CFAP69: variants seen among roughly 807,000 people sequenced by gnomAD.
The protein encoded by CFAP69 is cilia and flagella associated protein 69, also known as cilia- and flagella-associated protein 69.
A neutral mutation model predicts 123.0 loss-of-function variants in CFAP69; 92 were observed. The ratio of observed to expected loss-of-function variants is 0.75; its 90% CI spans 0.63 to 0.89. The LOEUF (loss-of-function observed/expected upper bound fraction) is 0.89. CFAP69 is among the 40% of genes least tolerant of loss of function. CFAP69 has a pLI of 0.00. For missense variants in CFAP69, 1,067 were observed against 1,096.9 expected, an observed-to-expected ratio of 0.97 and a Z score of 0.39; for synonymous variants, 380 against 364.3, an observed-to-expected ratio of 1.04 and a Z score of -0.49.
chr7:90,301,285 C>G (rs958424109), intron 17 of CFAP69: 1 of 151,784 alleles, frequency 6.6e-6, no homozygotes, highest in African/African-American at 2.4e-5. Flanking sequence ...ATATTCTAAG[C>G]CTTTTAAGAT....
chr7:90,269,857 G>A (rs1799701658), intron 6 of CFAP69, among the ~76,000 whole-genome samples: 1 of 152,148 alleles, frequency 6.6e-6, no homozygotes, highest in South Asian at 2.1e-4. Flanking sequence ...AATCACATTT[G>A]TAGGCAGAGG....
chr7:90,279,017 A>G (rs1789027131), intron 11 of CFAP69, among the ~76,000 whole-genome samples: 1 of 152,172 alleles, frequency 6.6e-6, no homozygotes, highest in Non-Finnish European at 1.5e-5. Flanking sequence ...TATCCATCAG[A>G]ATCAGCTGTA....
the CFAP69 span, chr7:90,317,820 T>C: frequency 2.6e-5 from 4 of 152,140 alleles, no homozygotes; most frequent in East Asian, 7.7e-4. Context: ...TTTAAAACTT[T>C]TTATATTTGA....
chr7:90,311,205 G>A (rs1794297494), downstream of CFAP69: 1 of 152,066 alleles, frequency 6.6e-6, no homozygotes, highest in South Asian at 2.1e-4. Flanking sequence ...GTCCCTGGAT[G>A]CCCTTATGAA....
intron 1 of CFAP69, among the ~76,000 whole-genome samples, chr7:90,246,556 G>A (rs913105987): frequency 1.3e-5 from 2 of 152,220 alleles, no homozygotes; most frequent in Non-Finnish European, 2.9e-5. Flanking sequence ...CGGAGCAACA[G>A]CATTTTGCAT....
chr7:90,258,218 C>G, intron 3 of CFAP69, 55 bp downstream of exon 3: 8 of 1,284,018 alleles, frequency 6.2e-6, no homozygotes, highest in Non-Finnish European at 8.8e-6. Flanking sequence ...ATGAGAATTT[C>G]TTTTAGAAAA....
chr7:90,296,624 C>A (rs189944008), intron 15 of CFAP69, among the ~76,000 whole-genome samples: 1 of 152,220 alleles, frequency 6.6e-6, no homozygotes, highest in Non-Finnish European at 1.5e-5. Context: ...CCACACCCAG[C>A]CTGAGGCACA....
At chr7:90,319,094 C>A in the CFAP69 span, 1 of 304,652 alleles carries the variant, frequency 3.3e-6, no homozygotes, top group Non-Finnish European at 6.0e-6. Context: ...ATGAACTATT[C>A]ATGGGCAAAC....
At chr7:90,279,542 A>G (rs1048432127) in intron 11 of CFAP69, 135 bp from the exon 12 acceptor site, 6 of 532,408 alleles carry the variant, frequency 1.1e-5, no homozygotes, top group African/African-American at 2.0e-5. Context: ...TACCTATCAT[A>G]GATTGGGGTT....
In CFAP69 at chr7:90,299,951, G is replaced by T. The variant is rs757235070; in HGVS notation, c.1942G>T (p.Ala648Ser). Residue 648 changes from alanine to serine, a missense_variant, in exon 17 of 23, where the codon GCT becomes TCT. Ala to Ser is a moderately conservative substitution (Grantham distance 99). Coordinates refer to ENST00000389297, the MANE Select transcript of CFAP69 (RefSeq NM_001039706.3). ...TCCCAAAACTGCAGCTCATGTCAAT[G>T]CTTGGCAAGGGAAGAAGGATCAGAC... is the stretch of plus-strand genomic sequence containing the variant. ...DNPKTAAHVN[A>S]WQGKKDQTAA... 1 of 1,612,208 alleles carries T rather than the reference G, an allele frequency of 6.2e-7. No individual in the cohort carries two copies. Among genetic ancestry groups the T allele is most frequent in the Non-Finnish European group, 8.5e-7 (1 of 1,179,000 alleles).
At chr7:90,307,898 C>T in intron 21 of CFAP69, 44 bp downstream of exon 21, 1 of 1,224,908 alleles carries the variant, frequency 8.2e-7, no homozygotes, top group Non-Finnish European at 1.2e-6. Flanking sequence ...AAATAGCCAA[C>T]TCTTACAGAC....
intron 9 of CFAP69, among the ~76,000 whole-genome samples, chr7:90,275,430 C>G (rs1788439179): frequency 6.6e-6 from 1 of 151,980 alleles, no homozygotes; most frequent in South Asian, 2.1e-4. Context: ...TTAGCATTCT[C>G]TCTCTCTGGC....
intron 18 of CFAP69, 134 bp from the exon 19 acceptor site, chr7:90,304,610 A>G: frequency 6.9e-7 from 1 of 1,440,104 alleles, no homozygotes; most frequent in Non-Finnish European, 9.1e-7. Flanking sequence ...TCAAGATGAA[A>G]TCAAAAGTAA....
At chr7:90,288,401 C>A (rs769873669) in intron 15 of CFAP69, 49 bp downstream of exon 15, 4 of 1,565,916 alleles carry the variant, frequency 2.6e-6, no homozygotes. Context: ...AGTCATGCAT[C>A]ACTTTACAAC....
At chr7:90,312,039 T>A (rs925169513), downstream of CFAP69, among the ~76,000 whole-genome samples, 1 of 152,210 alleles carries the variant, frequency 6.6e-6, no homozygotes, top group Non-Finnish European at 1.5e-5. Flanking sequence ...GAATCTTTGC[T>A]CCATTTTGTA....
At chr7:90,249,072 A>G (rs902769097) in intron 1 of CFAP69, among the ~76,000 whole-genome samples, 2 of 152,180 alleles carry the variant, frequency 1.3e-5, no homozygotes, top group African/African-American at 4.8e-5. Context: ...ACAGGGTTAT[A>G]TGGTTTGGCT....
intron 8 of CFAP69, among the ~76,000 whole-genome samples, chr7:90,272,939 C>T (rs902719332): frequency 1.3e-5 from 2 of 152,052 alleles, no homozygotes; most frequent in African/African-American, 2.4e-5. Context: ...CTCTGACTGG[C>T]GAAAAGGCAG....
chr7:90,278,304 C>G (rs1411409305), intron 11 of CFAP69, among the ~76,000 whole-genome samples: 1 of 151,998 alleles, frequency 6.6e-6, no homozygotes, highest in Non-Finnish European at 1.5e-5. Flanking sequence ...ACACCTACCT[C>G]GAGATTATTA....
At chr7:90,304,871 T>G (rs777240167) in intron 19 of CFAP69, 51 bp downstream of exon 19, 4 of 1,150,756 alleles carry the variant, frequency 3.5e-6, no homozygotes, top group Non-Finnish European at 5.1e-6. Flanking sequence ...AGCAAAAAAT[T>G]AACTGGAAAA....
Sources: gnomAD v4.1 joint callset for allele counts (sites outside exome capture counted in the v4.1 genomes callset) on GRCh38, gnomAD v4.1.1 for gene constraint, MANE v1.5 for transcripts, NCBI Gene and HGNC (gene_info 2026-07-23, HGNC 2026-07-21) for gene names.